EYA1: variants seen among roughly 807,000 people sequenced by gnomAD.
EYA1 encodes EYA transcriptional coactivator and phosphatase 1, also known as protein phosphatase EYA1.
A neutral mutation model predicts 82.0 loss-of-function variants in EYA1; 16 were observed. The ratio of observed to expected loss-of-function variants is 0.20; its 90% CI spans 0.13 to 0.30. EYA1 has a LOEUF of 0.30. Among genes scored for constraint, EYA1 ranks in the 10% least tolerant of loss-of-function variants. The pLI is 1.00. For missense variants in EYA1, 633 were observed against 730.7 expected (o/e 0.87, Z 1.54); for synonymous variants, 261 against 264.4 (o/e 0.99, Z 0.12).
intron 2 of EYA1, among the ~76,000 whole-genome samples, chr8:71,512,039 AT>A (rs35521610): frequency 0.98 from 149,221 of 152,276 alleles, 73,137 homozygotes; most frequent in Middle Eastern, 1. Context: ...AATGATATGC[AT>A]TATGTCATGA....
At chr8:71,337,381 C>T (rs1271084292) in intron 3 of EYA1, among the ~76,000 whole-genome samples, 1 of 152,156 alleles carries the variant, frequency 6.6e-6, no homozygotes, top group Non-Finnish European at 1.5e-5. Context: ...CCTTCTGATC[C>T]TTAAAAATAT....
rs529850239 is a variant in EYA1 at position 71,400,426 on chromosome 8, C to T, written c.34-43915G>A. Among the ~76,000 whole-genome samples, 320 of 151,712 alleles carry T rather than the reference C, an allele frequency of 2.1e-3. 3 individuals are homozygous for T. Among genetic ancestry groups the T allele is most frequent in the African/African-American group, 7.5e-3 (311 of 41,304 alleles). Reference sequence around the variant, plus strand: ...ACAAAGGTCTAATATCCAGAAGGTACAAGGAACTTTAAAAAATTTACAAGA... The same window carrying T: ...ACAAAGGTCTAATATCCAGAAGGTATAAGGAACTTTAAAAAATTTACAAGA... On this transcript the variant is annotated intron_variant, in intron 2 of 18. Transcript: ENST00000643681.
At chr8:71,321,145 C>A (rs1822492181) in intron 6 of EYA1, among the ~76,000 whole-genome samples, 1 of 151,868 alleles carries the variant, frequency 6.6e-6, no homozygotes, top group Non-Finnish European at 1.5e-5. Flanking sequence ...TAAATTACAC[C>A]AAGATAAAGA....
intron 2 of EYA1, among the ~76,000 whole-genome samples, chr8:71,485,464 A>T (rs1242103691): frequency 6.6e-6 from 1 of 152,226 alleles, no homozygotes; most frequent in East Asian, 1.9e-4. Flanking sequence ...CTCCAGTCCC[A>T]TATCCTCTTC....
chr8:71,507,536 C>T (rs1179860308), intron 2 of EYA1, among the ~76,000 whole-genome samples: 1 of 152,194 alleles, frequency 6.6e-6, no homozygotes, highest in Non-Finnish European at 1.5e-5. Flanking sequence ...TCATCCCACA[C>T]ATGTAATTGT....
intron 2 of EYA1, among the ~76,000 whole-genome samples, chr8:71,373,126 G>A (rs568499602): frequency 2.0e-5 from 3 of 152,184 alleles, no homozygotes; most frequent in African/African-American, 7.2e-5. Flanking sequence ...AGTACTTGAA[G>A]TATTCACAAG....
chr8:71,480,453 T>C (rs1435192874), intron 2 of EYA1, among the ~76,000 whole-genome samples: 1 of 152,168 alleles, frequency 6.6e-6, no homozygotes, highest in African/African-American at 2.4e-5. Context: ...ACTGGTTAAA[T>C]CACTTGTACA....
intron 2 of EYA1, among the ~76,000 whole-genome samples, chr8:71,471,520 A>G (rs1457838397): frequency 6.6e-6 from 1 of 152,090 alleles, no homozygotes; most frequent in Non-Finnish European, 1.5e-5. Context: ...GATCAGCTAA[A>G]TTAAACCTGG....
intron 7 of EYA1, 34 bp downstream of exon 7, chr8:71,317,518 G>T (rs1219385804): frequency 6.2e-7 from 1 of 1,611,366 alleles, no homozygotes; most frequent in Non-Finnish European, 8.5e-7. Context: ...TCAACCTACA[G>T]GGTTAAGGAA....
At chr8:71,352,381 G>A (rs1242251836) in intron 3 of EYA1, among the ~76,000 whole-genome samples, 1 of 152,200 alleles carries the variant, frequency 6.6e-6, no homozygotes, top group Non-Finnish European at 1.5e-5. Flanking sequence ...AAACGGACAT[G>A]TAACACCGAT....
At chr8:71,377,443 G>A (rs1367011981) in intron 2 of EYA1, among the ~76,000 whole-genome samples, 9 of 151,994 alleles carry the variant, frequency 5.9e-5, no homozygotes, top group African/African-American at 1.7e-4. Context: ...GTAATGTAGC[G>A]GTACCTAATA....
At chr8:71,465,784 A>G (rs1808728492) in intron 2 of EYA1, among the ~76,000 whole-genome samples, 1 of 152,200 alleles carries the variant, frequency 6.6e-6, no homozygotes, top group Non-Finnish European at 1.5e-5. Flanking sequence ...TTGTGGTAGT[A>G]TTAAGAAGTG....
At chr8:71,339,370 T>C (rs1335773634) in intron 3 of EYA1, among the ~76,000 whole-genome samples, 8 of 152,196 alleles carry the variant, frequency 5.3e-5, no homozygotes, top group Non-Finnish European at 1.0e-4. Flanking sequence ...TGGATGAGTA[T>C]AGCAGAACAG....
intron 2 of EYA1, among the ~76,000 whole-genome samples, chr8:71,398,017 T>C (rs1055496457): frequency 6.6e-6 from 1 of 152,174 alleles, no homozygotes; most frequent in African/African-American, 2.4e-5. Flanking sequence ...TCAACTTCTC[T>C]TCTCACTTCA....
At chr8:71,322,714 T>A (rs561791628) in intron 4 of EYA1, among the ~76,000 whole-genome samples, 1 of 152,288 alleles carries the variant, frequency 6.6e-6, no homozygotes, top group East Asian at 1.9e-4. Flanking sequence ...TGAGGCTGTA[T>A]TACCAAGAAA....
chr8:71,481,557 G>C (rs1810165244), intron 2 of EYA1, among the ~76,000 whole-genome samples: 1 of 152,170 alleles, frequency 6.6e-6, no homozygotes, highest in Non-Finnish European at 1.5e-5. Context: ...GCAAGATGCT[G>C]AATATGGGTA....
chr8:71,311,440 G>A (rs1047180433), intron 7 of EYA1, among the ~76,000 whole-genome samples: 3 of 152,202 alleles, frequency 2.0e-5, no homozygotes, highest in African/African-American at 7.2e-5. Flanking sequence ...TGATTGGTAA[G>A]CAGCAGTAAA....
intron 7 of EYA1, among the ~76,000 whole-genome samples, chr8:71,303,054 T>C (rs1412417927): frequency 7.0e-6 from 1 of 142,252 alleles, no homozygotes; most frequent in South Asian, 2.3e-4. Context: ...CTAACCCTAG[T>C]AAACCAACAT....
chr8:71,233,612 A>G (rs1811495537), intron 12 of EYA1, among the ~76,000 whole-genome samples: 2 of 151,818 alleles, frequency 1.3e-5, no homozygotes, highest in Admixed American at 1.3e-4. Context: ...TTCTTTTGAT[A>G]TACATACCTT....
Sources: allele counts gnomAD v4.1 joint callset (sites outside exome capture counted in the v4.1 genomes callset), GRCh38; gene constraint gnomAD v4.1.1; transcripts MANE v1.5; gene names NCBI Gene and HGNC (gene_info 2026-07-23, HGNC 2026-07-21).